Variants in MAPK8IP2 observed in about 807,000 individuals in gnomAD.
MAPK8IP2 encodes the protein mitogen-activated protein kinase 8 interacting protein 2.
In MAPK8IP2, 15 loss-of-function variants were observed where a neutral mutation model predicts 75.6. The ratio of observed to expected loss-of-function variants is 0.20; its 90% CI spans 0.13 to 0.31. The LOEUF (loss-of-function observed/expected upper bound fraction) is 0.31, where lower values mean the gene tolerates loss of function less well. MAPK8IP2 is among the 10% of genes least tolerant of loss of function. MAPK8IP2 has a pLI of 1.00. For missense variants in MAPK8IP2, 1,089 were observed against 1,211.2 expected, an observed-to-expected ratio of 0.90 and a Z score of 1.50; for synonymous variants, 632 against 554.5, an observed-to-expected ratio of 1.14 and a Z score of -1.96.
chr22:50,610,403 G>A lies in MAPK8IP2; in HGVS notation c.2402+93G>A. ...GCAGGTGGGGGCAGGAGCCTGGCAG[G>A]GGAGGTCTGGGGAAGGAGAACCAGA... On this transcript the variant is annotated intron_variant, in intron 11 of 11. Coordinates refer to ENST00000329492, the MANE Select transcript of MAPK8IP2 (RefSeq NM_012324.6). The surrounding 1 kb of genome is among the most constrained non-coding windows in gnomAD (Gnocchi z 4.3). 4 of 1,070,350 alleles carry A rather than the reference G, an allele frequency of 3.7e-6. No individual in the cohort carries two copies. Among genetic ancestry groups the A allele is most frequent in the Non-Finnish European group, 5.6e-6 (4 of 720,068 alleles). 66.3% of individuals were successfully genotyped at this position (1,070,350 alleles called of 1,614,324 possible). A position where few individuals can be genotyped will look rare whatever the true frequency, so the allele number is the denominator to read the frequency against.
In MAPK8IP2 at chr22:50,610,916, T is replaced by C. The variant is rs2071138789; in HGVS notation, c.*137T>C. On this transcript the variant is annotated 3_prime_UTR_variant, in exon 12 of 12. Transcript: ENST00000329492. The surrounding 1 kb of genome is among the most constrained non-coding windows in gnomAD (Gnocchi z 4.3). ...CTTACGCTTGTGGGGGTCTGCGGGCTGGGAACTCTCGTCCTCGGTCCCCAG... is the reference window on the plus strand; with the variant it reads ...CTTACGCTTGTGGGGGTCTGCGGGCCGGGAACTCTCGTCCTCGGTCCCCAG... The C allele has an allele frequency of 1.4e-6, 1 of 723,742 alleles. No homozygotes were observed. The allele number at this position is 723,742 out of a possible 1,614,324, so 44.8% of individuals were successfully genotyped here.
chr22:50,600,900 CCGGGCCGGG>C lies in MAPK8IP2; in HGVS notation c.65+21_65+29del. On this transcript the variant is annotated intron_variant, in intron 1 of 11. Coordinates refer to ENST00000329492, the MANE Select transcript of MAPK8IP2 (RefSeq NM_012324.6). ...GGGCTGCAGGTACCCCCCTCGGCGCCCGGGCCGGGCGGACCCTCCGCTCCCTGCGCACCC... is the reference window on the plus strand; with the variant it reads ...GGGCTGCAGGTACCCCCCTCGGCGCCCGGACCCTCCGCTCCCTGCGCACCC... 1 of 1,226,432 alleles carries C rather than the reference CCGGGCCGGG, an allele frequency of 8.2e-7. No homozygotes were observed. Among genetic ancestry groups the C allele is most frequent in the Non-Finnish European group, 1.0e-6 (1 of 953,414 alleles). 76.0% of individuals were successfully genotyped at this position (1,226,432 alleles called of 1,614,324 possible).
rs931542911 is a variant in MAPK8IP2 at position 50,612,764 on chromosome 22, T to G, written c.*1985T>G. 1.4e-5 allele frequency: 2 copies of G among 144,402 alleles called. No homozygotes were observed. The highest frequency in any genetic ancestry group is 5.2e-5 in the African/African-American group (2 of 38,590). 8.9% of individuals were successfully genotyped at this position (144,402 alleles called of 1,614,324 possible). A position where few individuals can be genotyped will look rare whatever the true frequency, so the allele number is the denominator to read the frequency against. ...ATTCGGGGTGTGGCCCTCAGTCCCC[T>G]GTAGCTGCTGCCTGGAAACCGCTGC... On this transcript the variant is annotated 3_prime_UTR_variant, in exon 12 of 12. Coordinates refer to ENST00000329492, the MANE Select transcript of MAPK8IP2 (RefSeq NM_012324.6).
rs1397804846 is a variant in MAPK8IP2, at chr22:50,607,986, CAG to C, written c.2303+1000_2303+1001del. On this transcript the variant is annotated intron_variant, in intron 10 of 11. Transcript: ENST00000329492. This position sits in a 1 kb window ranked among gnomAD's most constrained non-coding sequence, Gnocchi z 5.6. Reference sequence around the variant, plus strand: ...TAGAGGAAGGAGATCTGGGAGGAACCAGAGAGGCAGAGCCAGCCAGAGGCTGG... The same window carrying C: ...TAGAGGAAGGAGATCTGGGAGGAACCAGAGGCAGAGCCAGCCAGAGGCTGG... Among the ~76,000 whole-genome samples, 1 of 152,182 alleles carries C rather than the reference CAG, an allele frequency of 6.6e-6. No individual in the cohort carries two copies. The highest frequency in any genetic ancestry group is 1.5e-5 in the Non-Finnish European group (1 of 68,012).
chr22:50,605,778 C>T (rs767444618), intron 7 of MAPK8IP2, 44 bp downstream of exon 7: 6 of 1,590,922 alleles, frequency 3.8e-6, no homozygotes, highest in South Asian at 1.1e-5. Flanking sequence ...CCCAGATCCT[C>T]CCCTGTGCCC....
Position 50,603,141 on chromosome 22 carries a change from C to T in MAPK8IP2, c.172-82C>T, listed in dbSNP as rs10439940. The T allele has an allele frequency of 3.4e-3, 5,391 of 1,605,406 alleles. 11 individuals are homozygous for T. Among genetic ancestry groups the T allele is most frequent in the Non-Finnish European group, 4.1e-3 (4,793 of 1,174,806 alleles). ...GGGCTCTCCTTTGACTGATGCTCCC[C>T]GATTTCCCTTCTCCTAGCACCTGGG... is the stretch of plus-strand genomic sequence containing the variant. On this transcript the variant is annotated intron_variant, in intron 2 of 11. Coordinates refer to ENST00000329492, the MANE Select transcript of MAPK8IP2 (RefSeq NM_012324.6).
rs1279212151 is a variant in MAPK8IP2 at position 50,610,457 on chromosome 22, T to TGACAGTTTGGGGTGCTGGGC, written c.2402+148_2402+167dup. ...GCTGTGTAGAGAGGGCAGTGGTGGG[T>TGACAGTTTGGGGTGCTGGGC]GACAGTTTGGGGTGCTGGGCATGGG... is the stretch of plus-strand genomic sequence containing the variant. On this transcript the variant is annotated intron_variant, in intron 11 of 11. Transcript: ENST00000329492. The surrounding 1 kb of genome is among the most constrained non-coding windows in gnomAD (Gnocchi z 4.3). 6 of 770,496 alleles carry TGACAGTTTGGGGTGCTGGGC rather than the reference T, an allele frequency of 7.8e-6. No individual in the cohort carries two copies. The highest frequency in any genetic ancestry group is 1.3e-5 in the Non-Finnish European group (6 of 463,630). 47.7% of individuals were successfully genotyped at this position (770,496 alleles called of 1,614,324 possible).
intron 2 of MAPK8IP2, 195 bp from the exon 3 acceptor site, chr22:50,603,028 C>A: frequency 8.2e-7 from 1 of 1,219,750 alleles, no homozygotes; most frequent in Non-Finnish European, 1.1e-6. Flanking sequence ...AGTTTAGGCC[C>A]TTCCCAAGAA....
rs938969327 is a variant in MAPK8IP2, at chr22:50,610,654, T to G, written c.2403-53T>G. ...GCTCAGAGGCTCTGTGGAAGGCAGT[T>G]TGGGGGTTGAGGACCGGCCCTGAGT... On this transcript the variant is annotated intron_variant, in intron 11 of 11. Coordinates refer to ENST00000329492, the MANE Select transcript of MAPK8IP2 (RefSeq NM_012324.6). The surrounding 1 kb of genome is among the most constrained non-coding windows in gnomAD (Gnocchi z 4.3). The G allele has an allele frequency of 3.4e-5, 50 of 1,460,820 alleles. No individual in the cohort carries two copies. The African/African-American group carries it at 5.7e-4, about 17-fold the overall frequency. The allele number at this position is 1,460,820 out of a possible 1,614,324, so 90.5% of individuals were successfully genotyped here.
rs2071072811 is a variant in MAPK8IP2, at chr22:50,607,583, G to A, written c.2303+592G>A. Among the ~76,000 whole-genome samples, 1 of 152,132 alleles carries A rather than the reference G, an allele frequency of 6.6e-6. No homozygotes were observed. The highest frequency in any genetic ancestry group is 1.5e-5 in the Non-Finnish European group (1 of 68,000). ...GGTGCTATGTCCTGAGACCAAGTGT[G>A]CAGATGCAAGAGGCACTGAAGAGGC... On this transcript the variant is annotated intron_variant, in intron 10 of 11. Coordinates refer to ENST00000329492, the MANE Select transcript of MAPK8IP2 (RefSeq NM_012324.6). The surrounding 1 kb of genome is among the most constrained non-coding windows in gnomAD (Gnocchi z 5.6).
In MAPK8IP2 at chr22:50,604,878, C is replaced by G; in HGVS notation, c.1579C>G (p.Arg527Gly). Residue 527 changes from arginine to glycine, a missense_variant, in exon 5 of 12, where the codon CGG becomes GGG. Transcript: ENST00000329492. The part of the protein sequence containing the change: ...EHTQLELVSL[R>G]RCAGLGHDSE... ...CACGCAGCTGGAGCTGGTGAGCCTGCGGCGCTGTGCTGGGCTGGGCCACGA... is the reference window on the plus strand; with the variant it reads ...CACGCAGCTGGAGCTGGTGAGCCTGGGGCGCTGTGCTGGGCTGGGCCACGA... 3 of 1,605,512 alleles carry G rather than the reference C, an allele frequency of 1.9e-6. No homozygotes were observed. Among genetic ancestry groups the G allele is most frequent in the Non-Finnish European group, 2.5e-6 (3 of 1,177,250 alleles).
intron 10 of MAPK8IP2, among the ~76,000 whole-genome samples, chr22:50,608,727 G>A (rs1167400816): frequency 2.7e-5 from 4 of 147,446 alleles, no homozygotes; most frequent in Non-Finnish European, 4.5e-5. Context: ...GGGCACGGGC[G>A]CAGACCAGAC....
Position 50,611,206 on chromosome 22 carries a change from T to G in MAPK8IP2, c.*427T>G, listed in dbSNP as rs1377127183. 2 of 164,994 alleles carry G rather than the reference T, an allele frequency of 1.2e-5. No individual in the cohort carries two copies. The highest frequency in any genetic ancestry group is 4.8e-5 in the African/African-American group (2 of 41,936). 10.2% of individuals were successfully genotyped at this position (164,994 alleles called of 1,614,324 possible). A position where few individuals can be genotyped will look rare whatever the true frequency, so the allele number is the denominator to read the frequency against. On this transcript the variant is annotated 3_prime_UTR_variant, in exon 12 of 12. Coordinates refer to ENST00000329492, the MANE Select transcript of MAPK8IP2 (RefSeq NM_012324.6). This position sits in a 1 kb window ranked among gnomAD's most constrained non-coding sequence, Gnocchi z 5.5. ...TGCCCTCCTGCCACTCCCCTGCGAT[T>G]TATAAGGGAATTTTAATTTTTATAG... is the stretch of plus-strand genomic sequence containing the variant.
At position 50,610,087 on chromosome 22, in the gene MAPK8IP2, C is replaced by G. The variant is rs1017910509; in HGVS notation, c.2304-125C>G. The G allele has an allele frequency of 2.8e-5, 21 of 756,356 alleles. No individual in the cohort carries two copies. In the African/African-American group the frequency reaches 2.9e-4, roughly 11 times the overall value. 46.9% of individuals were successfully genotyped at this position (756,356 alleles called of 1,614,324 possible). ...TTCAGATCTTGAAATTGTGCGACCCCCACACTCCTGTCCCTTACCCTCTCC... is the reference window on the plus strand; with the variant it reads ...TTCAGATCTTGAAATTGTGCGACCCGCACACTCCTGTCCCTTACCCTCTCC... On this transcript the variant is annotated intron_variant, in intron 10 of 11. Coordinates refer to ENST00000329492, the MANE Select transcript of MAPK8IP2 (RefSeq NM_012324.6). This position sits in a 1 kb window ranked among gnomAD's most constrained non-coding sequence, Gnocchi z 4.3.
chr22:50,605,101 G>A (rs1396371264), intron 5 of MAPK8IP2, 37 bp downstream of exon 5: 1 of 1,608,218 alleles, frequency 6.2e-7, no homozygotes, highest in South Asian at 1.1e-5. Context: ...GTGGCCCAGA[G>A]GAAGGTGCAG....
Position 50,603,633 on chromosome 22 carries a change from T to A in MAPK8IP2, c.455T>A (p.Leu152Gln). Reference sequence around the variant, plus strand: ...CATGTATCTCCACCCCAGGACTCCCTAAACAACAACGGAGGCTTTGACCTG... The same window carrying A: ...CATGTATCTCCACCCCAGGACTCCCAAAACAACAACGGAGGCTTTGACCTG... ...RLTTLGAQDS[L>Q]NNNGGFDLVR... Residue 152 changes from leucine (L) to glutamine (Q), a missense_variant, in exon 4 of 12, where the codon CTA becomes CAA. Physicochemically the swap from Leu to Gln is moderately radical, Grantham distance 113. Around this residue, in one of 2 missense-constraint regions of MAPK8IP2, gnomAD observed 960 missense variants for 1,009.6 expected, o/e 0.95. Transcript: ENST00000329492. 6.3e-7 allele frequency: 1 copy of A among 1,594,332 alleles called. No individual in the cohort carries two copies. Among genetic ancestry groups the A allele is most frequent in the Admixed American group, 1.7e-5 (1 of 57,728 alleles).
In MAPK8IP2 at chr22:50,603,917, C is replaced by T. The variant is rs763748660; in HGVS notation, c.618C>T (p.Cys206=). The T allele has an allele frequency of 3.9e-5, 60 of 1,537,696 alleles. No homozygotes were observed. The African/African-American group carries it at 7.8e-4, about 20-fold the overall frequency. Residue 206 remains cysteine, a synonymous_variant, in exon 5 of 12, where the codon TGC becomes TGT. Coordinates refer to ENST00000329492, the MANE Select transcript of MAPK8IP2 (RefSeq NM_012324.6). ...CGCCAGTGCGCCCGGGTTGCGACTG[C>T]GAAGGGAACCGGCCTGCGGAACCCC... The part of the protein sequence containing the change: ...AQSPVRPGCD[C]EGNRPAEPPA...
In MAPK8IP2 at chr22:50,603,726, G is replaced by C. The variant is rs1253728628; in HGVS notation, c.541+7G>C. 2.6e-6 allele frequency: 4 copies of C among 1,562,072 alleles called. No individual in the cohort carries two copies. Among genetic ancestry groups the C allele is most frequent in the Non-Finnish European group, 3.5e-6 (4 of 1,153,316 alleles). On this transcript the variant is annotated splice_region_variant and intron_variant, in intron 4 of 11. Transcript: ENST00000329492. Reference sequence around the variant, plus strand: ...GCCCCGGAGGCCCTCAGAGGTGAGGGGTGGTGGGCCCGCGGGGCGCGGGGA... The same window carrying C: ...GCCCCGGAGGCCCTCAGAGGTGAGGCGTGGTGGGCCCGCGGGGCGCGGGGA...
At chr22:50,609,677 A>C (rs1461179775) in intron 10 of MAPK8IP2, 1 of 459,634 alleles carries the variant, frequency 2.2e-6, no homozygotes, top group Non-Finnish European at 4.4e-6. Context: ...ATTTTTGCTA[A>C]TGTCTGGGTG....
Sources: gnomAD v4.1 joint callset for allele counts (sites outside exome capture counted in the v4.1 genomes callset) on GRCh38, gnomAD v4.1.1 for gene constraint, gnomAD v4.1.1 regional missense constraint, Gnocchi (gnomAD v3.1) non-coding constraint, MANE v1.5 for transcripts, NCBI Gene and HGNC (gene_info 2026-07-23, HGNC 2026-07-21) for gene names.